The following PIEZO1 variants were observed in gnomAD, a reference collection of about 807,000 sequenced individuals.
PIEZO1 encodes the protein piezo-type mechanosensitive ion channel component 1.
In PIEZO1, 296 loss-of-function variants were observed where a neutral mutation model predicts 297.2. The ratio of observed to expected loss-of-function variants is 1.00; its 90% CI spans 0.91 to 1.10. The LOEUF (loss-of-function observed/expected upper bound fraction) is 1.10, where lower values mean the gene tolerates loss of function less well. Among genes scored for constraint, PIEZO1 ranks in the 50% least tolerant of loss-of-function variants. The pLI, the probability that PIEZO1 is intolerant of heterozygous loss-of-function variation, is 0.00. For synonymous variants in PIEZO1, 2,427 were observed against 1,507.5 expected (o/e 1.61, Z -14.13); for missense variants, 5,018 against 3,455.5 (o/e 1.45, Z -11.34).
chr16:88,760,217 C>T (rs1234978036), intron 1 of PIEZO1, among the ~76,000 whole-genome samples: 1 of 152,158 alleles, frequency 6.6e-6, no homozygotes, highest in Admixed American at 6.5e-5. Context: ...GCCACGGGCT[C>T]CGCTCCCCCG....
chr16:88,742,061 C>A lies in PIEZO1; in HGVS notation c.318G>T (p.Gly106=), dbSNP rs1256646208. The part of the protein sequence containing the change: ...SRWETLSRHI[G]VTRLDLKDIP... ...GGGAGGAATGGTCTTACCTTGTGAC[C>A]CCTATGTGTCGCGAGAGGGTCTCCC... Residue 106 remains glycine, a synonymous_variant, in exon 4 of 51, where the codon GGG becomes GGT. Transcript: ENST00000301015. 3.9e-6 allele frequency: 6 copies of A among 1,535,962 alleles called. No homozygotes were observed. Among genetic ancestry groups the A allele is most frequent in the African/African-American group, 1.4e-5 (1 of 72,974 alleles).
intron 44 of PIEZO1, 136 bp downstream of exon 44, chr16:88,719,438 T>C (rs1317756505): frequency 4.0e-6 from 3 of 756,582 alleles, no homozygotes; most frequent in South Asian, 1.8e-5. Flanking sequence ...GTGGGTGGGC[T>C]CGCCTCATGT....
At chr16:88,725,891 G>A (rs994086784) in intron 27 of PIEZO1, 2 of 583,836 alleles carry the variant, frequency 3.4e-6, no homozygotes, top group East Asian at 2.9e-5. Context: ...ACAGATGCAG[G>A]GGCGTCTGGT....
rs560503281 is a variant in PIEZO1 at position 88,764,287 on chromosome 16, C to T, written c.65-14808G>A. On this transcript the variant is annotated intron_variant, in intron 1 of 50. Transcript: ENST00000301015. ...CAAGCACGTGGCAATGCCCTCCCGG[C>T]GCCCAGGTTCCATATAACCCATTCT... 3.3e-5 allele frequency among the ~76,000 whole-genome samples: 5 copies of T among 152,274 alleles called. No homozygotes were observed. The South Asian group carries it at 8.3e-4, about 25-fold the overall frequency.
chr16:88,725,130 G>A (rs1384983313), intron 29 of PIEZO1, 50 bp from the exon 30 acceptor site: 12 of 1,327,288 alleles, frequency 9.0e-6, no homozygotes, highest in Non-Finnish European at 1.2e-5. Flanking sequence ...CACCAGGAGG[G>A]GTCGGGGCTG....
In PIEZO1 at chr16:88,742,516, G is replaced by GAGCCC. The variant is rs1171418901; in HGVS notation, c.161-99_161-95dup. On this transcript the variant is annotated intron_variant, in intron 2 of 50. Coordinates refer to ENST00000301015, the MANE Select transcript of PIEZO1 (RefSeq NM_001142864.4). Reference sequence around the variant, plus strand: ...CGGACAATAGCCCCCAGCCCGGCCAGAGCCCAGAGGCCTGAGATGCAAACC... The same window carrying GAGCCC: ...CGGACAATAGCCCCCAGCCCGGCCAGAGCCCAGCCCAGAGGCCTGAGATGCAAACC... 3 of 1,330,032 alleles carry GAGCCC rather than the reference G, an allele frequency of 2.3e-6. No homozygotes were observed. The African/African-American group carries it at 4.4e-5, about 20-fold the overall frequency. 82.4% of individuals were successfully genotyped at this position (1,330,032 alleles called of 1,614,324 possible).
Position 88,716,441 on chromosome 16 carries a change from C to G in PIEZO1, c.6969G>C (p.Lys2323Asn), listed in dbSNP as rs951572334. The G allele has an allele frequency of 1.0e-5, 16 of 1,549,670 alleles. No individual in the cohort carries two copies. The highest frequency in any genetic ancestry group is 1.4e-5 in the African/African-American group (1 of 73,070). ...TGTTGGGGGCCAGGGCCAGCATGTG[C>G]TTCTCGTTGGCATACTCCACAGTGC... ...KGGTVEYANE[K>N]HMLALAPNST... is the part of the protein sequence containing the mutation. Residue 2323 changes from lysine to asparagine, a missense_variant, in exon 48 of 51, where the codon AAG becomes AAC. Coordinates refer to ENST00000301015, the MANE Select transcript of PIEZO1 (RefSeq NM_001142864.4).
intron 2 of PIEZO1, among the ~76,000 whole-genome samples, chr16:88,746,473 A>G (rs62048198): frequency 0.59 from 88,404 of 151,000 alleles, 25,979 homozygotes; most frequent in Non-Finnish European, 0.62. Context: ...CCCAGCCCCT[A>G]CCCCTCTCCT....
chr16:88,721,895 C>T lies in PIEZO1; in HGVS notation c.5127G>A (p.Val1709=). ...HMVTASAGSL[V]LPVLVFLWAM... is the part of the protein sequence containing the mutation. ...CCCACAGGAAGACGAGCACGGGCAG[C>T]ACCAGCGAGCCGGCGGAGGCCGTGA... is the stretch of plus-strand genomic sequence containing the variant. Residue 1709 remains valine (V), a synonymous_variant, in exon 37 of 51, where the codon GTG becomes GTA. Coordinates refer to ENST00000301015, the MANE Select transcript of PIEZO1 (RefSeq NM_001142864.4). The T allele has an allele frequency of 6.5e-7, 1 of 1,550,086 alleles. No individual in the cohort carries two copies. The highest frequency in any genetic ancestry group is 8.7e-7 in the Non-Finnish European group (1 of 1,146,792).
Position 88,721,235 on chromosome 16 carries a change from T to G in PIEZO1, c.5599A>C (p.Arg1867=). The stretch of plus-strand genomic sequence containing the variant: ...CTTCTAAAACGTAGACTGATGCGCC[T>G]CGTATCACGGGGCCTGAGCTCCACT... The part of the protein sequence containing the change: ...PQVELRPRDT[R]RISLRFRRRK... Residue 1867 remains arginine (R), a synonymous_variant, in exon 39 of 51, where the codon AGG becomes CGG. Transcript: ENST00000301015. 6.5e-7 allele frequency: 1 copy of G among 1,540,344 alleles called. No individual in the cohort carries two copies. The highest frequency in any genetic ancestry group is 8.7e-7 in the Non-Finnish European group (1 of 1,145,638).
rs373349986 is a variant in PIEZO1, at chr16:88,716,010, G to T, written c.7239C>A (p.Thr2413=). Residue 2413 remains threonine, a synonymous_variant, in exon 50 of 51, where the codon ACC becomes ACA. Transcript: ENST00000301015. ...WWVIELQECR[T]DCNLLPMVIF... ...TGACCATGGGCAGCAGGTTGCAGTC[G>T]GTCCGGCACTCCTGCAGCTCGATGA... 5.7e-5 allele frequency: 89 copies of T among 1,550,078 alleles called. No individual in the cohort carries two copies. Among genetic ancestry groups the T allele is most frequent in the African/African-American group, 9.6e-5 (7 of 73,042 alleles).
intron 1 of PIEZO1, among the ~76,000 whole-genome samples, chr16:88,770,795 G>A (rs965359774): frequency 3.3e-5 from 5 of 152,236 alleles, no homozygotes; most frequent in Admixed American, 2.6e-4. Context: ...ACTGGGCCCC[G>A]CGCGGCCCTG....
intron 1 of PIEZO1, among the ~76,000 whole-genome samples, chr16:88,762,643 C>A (rs1906985772): frequency 6.6e-6 from 1 of 152,210 alleles, no homozygotes. Context: ...CCTCTCGGGT[C>A]TCCCGGCAGC....
At chr16:88,734,565 C>G (rs1373631209) in intron 15 of PIEZO1, 27 bp from the exon 16 acceptor site, 11 of 1,543,850 alleles carry the variant, frequency 7.1e-6, no homozygotes, top group Non-Finnish European at 9.6e-6. Flanking sequence ...TCAGCACCGG[C>G]CCGGCCCCCG....
intron 22 of PIEZO1, among the ~76,000 whole-genome samples, chr16:88,730,168 C>T (rs1904704648): frequency 6.6e-6 from 1 of 152,258 alleles, no homozygotes; most frequent in Non-Finnish European, 1.5e-5. Flanking sequence ...GCAACAGGCA[C>T]ACCCAGCGCC....
intron 1 of PIEZO1, among the ~76,000 whole-genome samples, chr16:88,776,882 C>T (rs978532226): frequency 3.9e-5 from 6 of 152,202 alleles, no homozygotes; most frequent in Non-Finnish European, 8.8e-5. Flanking sequence ...TGTGCTCATT[C>T]CCCGCCCGGC....
At chr16:88,728,332 G>C (rs964494720) in intron 22 of PIEZO1, among the ~76,000 whole-genome samples, 19 of 152,274 alleles carry the variant, frequency 1.2e-4, no homozygotes, top group Admixed American at 9.8e-4. Flanking sequence ...GTGACTCCAC[G>C]CATCTGCGAA....
chr16:88,756,225 C>T (rs1025832825), intron 1 of PIEZO1, among the ~76,000 whole-genome samples: 5 of 152,204 alleles, frequency 3.3e-5, no homozygotes, highest in African/African-American at 1.2e-4. Flanking sequence ...GACGCCCACA[C>T]CCAGCCCGAT....
chr16:88,733,175 A>G (rs1416106971), intron 19 of PIEZO1, 103 bp downstream of exon 19: 2 of 1,100,950 alleles, frequency 1.8e-6, no homozygotes, highest in Non-Finnish European at 2.6e-6. Context: ...CTCCATCTCC[A>G]TTGCTGGCCC....
Sources: gnomAD v4.1 joint callset for allele counts (sites outside exome capture counted in the v4.1 genomes callset) on GRCh38, gnomAD v4.1.1 for gene constraint, MANE v1.5 for transcripts, NCBI Gene and HGNC (gene_info 2026-07-23, HGNC 2026-07-21) for gene names.